The following LRFN5 variants were observed in gnomAD, a reference collection of about 807,000 sequenced individuals.
LRFN5 encodes the protein leucine rich repeat and fibronectin type III domain containing 5, also known as leucine-rich repeat and fibronectin type-III domain-containing protein 5.
In LRFN5, 24 loss-of-function variants were observed where a neutral mutation model predicts 45.6. The observed-to-expected ratio is 0.53, with a 90% CI of 0.38 to 0.74. The LOEUF (loss-of-function observed/expected upper bound fraction) is 0.74, where lower values mean the gene tolerates loss of function less well. Ranked by LOEUF, LRFN5 falls within the 30% of genes least tolerant of loss-of-function variation. LRFN5 has a pLI of 0.00. For missense variants in LRFN5, 776 were observed against 861.5 expected (o/e 0.90, Z 1.24); for synonymous variants, 340 against 313.8 (o/e 1.08, Z -0.88).
intron 2 of LRFN5, among the ~76,000 whole-genome samples, chr14:41,843,090 T>C (rs1225451187): frequency 6.7e-6 from 1 of 149,900 alleles, no homozygotes; most frequent in Non-Finnish European, 1.5e-5. Context: ...TCTTTTCTTT[T>C]TTTTTTTTTT....
chr14:41,760,486 TA>T (rs1306429866), intron 1 of LRFN5, among the ~76,000 whole-genome samples: 1 of 152,282 alleles, frequency 6.6e-6, no homozygotes, highest in African/African-American at 2.4e-5. Flanking sequence ...ATTTGCACAT[TA>T]AAAAATTGAT....
At chr14:41,741,505 G>A (rs1419414190) in intron 1 of LRFN5, among the ~76,000 whole-genome samples, 1 of 151,734 alleles carries the variant, frequency 6.6e-6, no homozygotes, top group African/African-American at 2.4e-5. Flanking sequence ...TCAGAAGCAT[G>A]AAATTGGATC....
At position 41,651,077 on chromosome 14, in the gene LRFN5, A is replaced by G. The variant is rs145578997; in HGVS notation, c.-197+42515A>G. Among the ~76,000 whole-genome samples the G allele has an allele frequency of 9.5e-3, 1,454 of 152,300 alleles. 22 individuals carry two copies. Among genetic ancestry groups the G allele is most frequent in the African/African-American group, 0.032 (1,345 of 41,566 alleles). ...TGTTTTAATTTGAATTTGGAAAAAG[A>G]TAAAGCTATTTCTATGTATTGTCTC... On this transcript the variant is annotated intron_variant, in intron 1 of 5. Coordinates refer to ENST00000298119, the MANE Select transcript of LRFN5 (RefSeq NM_152447.5).
At chr14:41,798,713 A>G (rs1887219356) in intron 2 of LRFN5, among the ~76,000 whole-genome samples, 1 of 151,996 alleles carries the variant, frequency 6.6e-6, no homozygotes, top group Non-Finnish European at 1.5e-5. Context: ...ACATTGTCTC[A>G]TTAGAGGTAA....
At chr14:41,893,889 G>A in intron 4 of LRFN5, 1 of 985,234 alleles carries the variant, frequency 1.0e-6, no homozygotes, top group Non-Finnish European at 1.2e-6. Context: ...TTTATTTCGT[G>A]TAAGGAATAG....
chr14:41,897,539 C>G (rs1890980768), intron 4 of LRFN5, among the ~76,000 whole-genome samples: 1 of 151,834 alleles, frequency 6.6e-6, no homozygotes. Context: ...TAACATTAAC[C>G]AGCTAAAATC....
chr14:41,889,442 C>T lies in LRFN5; in HGVS notation c.1385+1432C>T, dbSNP rs369159598. On this transcript the variant is annotated intron_variant, in intron 3 of 5. Coordinates refer to ENST00000298119, the MANE Select transcript of LRFN5 (RefSeq NM_152447.5). The stretch of plus-strand genomic sequence containing the variant: ...CTATATTAACTTAAAGTAATTTGCT[C>T]TTGTCATACCAGGCTCTTCACATAA... Among the ~76,000 whole-genome samples, 8 of 152,196 alleles carry T rather than the reference C, an allele frequency of 5.3e-5. No individual in the cohort carries two copies. In the East Asian group the frequency reaches 1.5e-3, roughly 29 times the overall value.
At chr14:41,716,041 G>A (rs1242418939) in intron 1 of LRFN5, among the ~76,000 whole-genome samples, 1 of 152,170 alleles carries the variant, frequency 6.6e-6, no homozygotes, top group East Asian at 1.9e-4. Flanking sequence ...AGCTGCCAAG[G>A]CTTGAGGCTT....
intron 1 of LRFN5, among the ~76,000 whole-genome samples, chr14:41,746,475 T>C (rs1649132213): frequency 6.6e-6 from 1 of 151,788 alleles, no homozygotes; most frequent in African/African-American, 2.4e-5. Context: ...CTCAATGGAG[T>C]GGTAGGTCTT....
intron 2 of LRFN5, among the ~76,000 whole-genome samples, chr14:41,814,835 A>G (rs1887861602): frequency 6.6e-6 from 1 of 152,134 alleles, no homozygotes; most frequent in South Asian, 2.1e-4. Flanking sequence ...AATAGTTGGG[A>G]CACTTACTGT....
chr14:41,614,989 G>T (rs1887883138), intron 1 of LRFN5, among the ~76,000 whole-genome samples: 1 of 152,038 alleles, frequency 6.6e-6, no homozygotes, highest in African/African-American at 2.4e-5. Flanking sequence ...GTAAAGCAGA[G>T]AATCTAGCTG....
intron 1 of LRFN5, among the ~76,000 whole-genome samples, chr14:41,724,160 T>C (rs1415786805): frequency 1.3e-5 from 2 of 152,190 alleles, no homozygotes; most frequent in African/African-American, 4.8e-5. Context: ...TTCTCCTTCT[T>C]GAGATCTGGA....
intron 1 of LRFN5, among the ~76,000 whole-genome samples, chr14:41,647,701 A>G (rs1292371770): frequency 6.6e-6 from 1 of 152,174 alleles, no homozygotes; most frequent in Non-Finnish European, 1.5e-5. Flanking sequence ...TGAGTTCCAC[A>G]TGGGATAAGA....
rs375317698 is a variant in LRFN5 at position 41,852,085 on chromosome 14, A to G, written c.-20-34521A>G. ...TAATGAAAATTGTGGATATAACTAT[A>G]CTCCCTTAAATTGCTTATTTACTAT... On this transcript the variant is annotated intron_variant, in intron 2 of 5. Transcript: ENST00000298119. Among the ~76,000 whole-genome samples, 23 of 151,886 alleles carry G rather than the reference A, an allele frequency of 1.5e-4. No individual in the cohort carries two copies. In the South Asian group the frequency reaches 4.4e-3, roughly 29 times the overall value.
intron 2 of LRFN5, among the ~76,000 whole-genome samples, chr14:41,876,205 C>T (rs995995634): frequency 6.6e-6 from 1 of 151,164 alleles, no homozygotes; most frequent in Non-Finnish European, 1.5e-5. Context: ...TCTATTTGTT[C>T]ATGTTTCCTA....
At chr14:41,812,546 C>A (rs564795908) in intron 2 of LRFN5, among the ~76,000 whole-genome samples, 81 of 151,760 alleles carry the variant, frequency 5.3e-4, no homozygotes, top group African/African-American at 1.8e-3. Context: ...TACAAAGGCA[C>A]ACAGAAAACT....
In LRFN5 at chr14:41,609,315, G is replaced by GT. The variant is rs375230754; in HGVS notation, c.-197+760dup. 1.6e-3 allele frequency among the ~76,000 whole-genome samples: 247 copies of GT among 151,694 alleles called. 1 individual carries two copies. Among genetic ancestry groups the GT allele is most frequent in the African/African-American group, 2.4e-3 (98 of 41,182 alleles). ...TCACGGACACGCAACTCCTTTGCGC[G>GT]TTTTTTTGTTGTTGTTGTTTGTTTG... On this transcript the variant is annotated intron_variant, in intron 1 of 5. Coordinates refer to ENST00000298119, the MANE Select transcript of LRFN5 (RefSeq NM_152447.5).
At chr14:41,827,498 C>G (rs1436914810) in intron 2 of LRFN5, among the ~76,000 whole-genome samples, 1 of 151,668 alleles carries the variant, frequency 6.6e-6, no homozygotes, top group Non-Finnish European at 1.5e-5. Context: ...AAATATCAAG[C>G]CACATACACT....
chr14:41,645,769 T>G (rs1879787850), intron 1 of LRFN5, among the ~76,000 whole-genome samples: 1 of 152,186 alleles, frequency 6.6e-6, no homozygotes, highest in Admixed American at 6.6e-5. Context: ...CAATATTTCT[T>G]GTAGATTGGA....
Sources: gnomAD v4.1 joint callset for allele counts (sites outside exome capture counted in the v4.1 genomes callset) on GRCh38, gnomAD v4.1.1 for gene constraint, MANE v1.5 for transcripts, NCBI Gene and HGNC (gene_info 2026-07-23, HGNC 2026-07-21) for gene names.